Variants in PCDHA10 observed in about 807,000 individuals in gnomAD.
The protein encoded by PCDHA10 is protocadherin alpha 10, also known as protocadherin alpha-10.
PCDHA10 carries 45 observed loss-of-function variants against 61.2 expected under a neutral mutation model. The ratio of observed to expected loss-of-function variants is 0.74; its 90% confidence interval spans 0.58 to 0.94. The LOEUF (loss-of-function observed/expected upper bound fraction) is 0.94. Among genes scored for constraint, PCDHA10 ranks in the 40% least tolerant of loss-of-function variants. The pLI, the probability that PCDHA10 is intolerant of heterozygous loss-of-function variation, is 0.00. For missense variants in PCDHA10, 1,278 were observed against 1,236.2 expected (o/e 1.03, Z -0.51); for synonymous variants, 602 against 548.8 (o/e 1.10, Z -1.35).
intron 1 of PCDHA10, among the ~76,000 whole-genome samples, chr5:140,893,560 T>C (rs964266537): frequency 4.6e-5 from 7 of 152,232 alleles, no homozygotes; most frequent in Admixed American, 4.6e-4. Flanking sequence ...AGTTGTAGTG[T>C]ACTTCCTCAG....
chr5:140,871,011 G>C, intron 1 of PCDHA10: 1 of 1,613,324 alleles, frequency 6.2e-7, no homozygotes, highest in Non-Finnish European at 8.5e-7. Context: ...CGCGTGCCCT[G>C]GACGAGGCAG....
chr5:140,857,329 G>T lies in PCDHA10; in HGVS notation c.1281G>T (p.Arg427=), dbSNP rs781793178. The T allele has an allele frequency of 6.3e-7, 1 of 1,598,568 alleles. No homozygotes were observed. Residue 427 remains arginine, a synonymous_variant, in exon 1 of 4, where the codon CGG becomes CGT. Coordinates refer to ENST00000307360, the MANE Select transcript of PCDHA10 (RefSeq NM_018901.4). The stretch of plus-strand genomic sequence containing the variant: ...CCTATGAGCTGGTGGTGACCGCGCG[G>T]GACGGGGGCTCGCCTCCGCTGTGGG... ...VSAYELVVTA[R]DGGSPPLWAT...
chr5:140,975,058 C>T (rs1016137596), intron 1 of PCDHA10, among the ~76,000 whole-genome samples: 34 of 152,090 alleles, frequency 2.2e-4, no homozygotes, highest in African/African-American at 8.2e-4. Context: ...AATCTACTAT[C>T]GAGCTCATTC....
chr5:140,922,898 T>A (rs916788135), intron 1 of PCDHA10, among the ~76,000 whole-genome samples: 2 of 152,022 alleles, frequency 1.3e-5, no homozygotes, highest in African/African-American at 4.8e-5. Flanking sequence ...CAAGAAAAAA[T>A]TTTGAGATAC....
At chr5:140,958,069 A>C (rs2095407625) in intron 1 of PCDHA10, among the ~76,000 whole-genome samples, 1 of 152,104 alleles carries the variant, frequency 6.6e-6, no homozygotes. Flanking sequence ...AAAAACACAG[A>C]AGCAAAAAGT....
chr5:140,966,541 G>C (rs2096018356), intron 1 of PCDHA10: 3 of 462,844 alleles, frequency 6.5e-6, no homozygotes, highest in African/African-American at 2.0e-5. Context: ...TGAGCGACTC[G>C]GAGGCGAGCG....
At chr5:140,940,645 A>G (rs1554213545) in intron 1 of PCDHA10, among the ~76,000 whole-genome samples, 1 of 152,156 alleles carries the variant, frequency 6.6e-6, no homozygotes, top group Non-Finnish European at 1.5e-5. Flanking sequence ...TCATTTATTT[A>G]TTTAAATATA....
In PCDHA10 at chr5:140,857,127, A is replaced by C; in HGVS notation, c.1079A>C (p.Glu360Ala). 1 of 1,598,180 alleles carries C rather than the reference A, an allele frequency of 6.3e-7. No individual in the cohort carries two copies. The highest frequency in any genetic ancestry group is 8.6e-7 in the Non-Finnish European group (1 of 1,167,730). ...ACTTCTCTGTCTCTCCCAGTGAAAG[A>C]AGATGCTCAAGTGGGCACCGTCATT... is the stretch of plus-strand genomic sequence containing the variant. ...IVTSLSLPVK[E>A]DAQVGTVIAL... is the part of the protein sequence containing the mutation. The change falls in exon 1 of 4, where the codon GAA becomes GCA. Residue 360 changes from glutamate (E) to alanine (A), a missense_variant. Physicochemically the swap from Glu to Ala is moderately radical, Grantham distance 107. Coordinates refer to ENST00000307360, the MANE Select transcript of PCDHA10 (RefSeq NM_018901.4).
At position 140,889,293 on chromosome 5, in the gene PCDHA10, T is replaced by C. The variant is rs1051889855; in HGVS notation, c.2388+30857T>C. 3.3e-5 allele frequency among the ~76,000 whole-genome samples: 5 copies of C among 152,196 alleles called. No individual in the cohort carries two copies. The South Asian group carries it at 6.2e-4, about 19-fold the overall frequency. The stretch of plus-strand genomic sequence containing the variant: ...ATCTTTGAATTACTTCTTATTTGAT[T>C]GGAGAACTCACTGTTGAAGTTATCT... On this transcript the variant is annotated intron_variant, in intron 1 of 3. Transcript: ENST00000307360.
At chr5:140,883,121 G>C in intron 1 of PCDHA10, 12 of 1,614,070 alleles carry the variant, frequency 7.4e-6, no homozygotes, top group Non-Finnish European at 1.0e-5. Context: ...TAGAAGGCCT[G>C]TATGGCCTGC....
At chr5:140,996,226 G>C (rs2097717630) in intron 3 of PCDHA10, among the ~76,000 whole-genome samples, 1 of 152,196 alleles carries the variant, frequency 6.6e-6, no homozygotes, top group South Asian at 2.1e-4. Context: ...GTCTAGAAAT[G>C]GTTGCTCAAG....
intron 1 of PCDHA10, among the ~76,000 whole-genome samples, chr5:140,960,137 T>C (rs2095528767): frequency 6.6e-6 from 1 of 152,232 alleles, no homozygotes; most frequent in African/African-American, 2.4e-5. Flanking sequence ...AATACTTAGA[T>C]ATTAATAGCT....
chr5:140,884,762 A>C, intron 1 of PCDHA10: 1 of 1,423,132 alleles, frequency 7.0e-7, no homozygotes, highest in Non-Finnish European at 9.2e-7. Flanking sequence ...ATTATTCTTT[A>C]CTTTAATTTT....
chr5:140,961,638 A>G (rs1428621389), intron 1 of PCDHA10, among the ~76,000 whole-genome samples: 1 of 152,200 alleles, frequency 6.6e-6, no homozygotes, highest in Non-Finnish European at 1.5e-5. Flanking sequence ...AACAATCTTA[A>G]GTCTATGTGG....
chr5:140,993,934 C>T (rs936977793), intron 3 of PCDHA10, among the ~76,000 whole-genome samples: 5 of 152,044 alleles, frequency 3.3e-5, no homozygotes, highest in African/African-American at 1.2e-4. Context: ...AGAACATATC[C>T]CCATTGTTAA....
In PCDHA10 at chr5:140,858,157, C is replaced by G; in HGVS notation, c.2109C>G (p.Cys703Trp). ...DVNVYLIIAI[C>W]AVSSLLVLTL... is the part of the protein sequence containing the mutation. ...ACGTGTACCTGATCATCGCCATCTG[C>G]GCGGTGTCCAGCTTGCTGGTGCTCA... is the stretch of plus-strand genomic sequence containing the variant. The change falls in exon 1 of 4, where the codon TGC becomes TGG. Residue 703 changes from cysteine (C) to tryptophan (W), a missense_variant. Physicochemically the swap from Cys to Trp is radical, Grantham distance 215. Transcript: ENST00000307360. 1 of 1,597,628 alleles carries G rather than the reference C, an allele frequency of 6.3e-7. No homozygotes were observed. Among genetic ancestry groups the G allele is most frequent in the Non-Finnish European group, 8.6e-7 (1 of 1,167,402 alleles).
At chr5:140,969,670 T>C (rs1481481821) in intron 1 of PCDHA10, among the ~76,000 whole-genome samples, 1 of 152,192 alleles carries the variant, frequency 6.6e-6, no homozygotes, top group African/African-American at 2.4e-5. Context: ...AGTAATGTTA[T>C]GAGACTCAAG....
At chr5:140,884,188 G>C in intron 1 of PCDHA10, 1 of 1,613,436 alleles carries the variant, frequency 6.2e-7, no homozygotes, top group Middle Eastern at 1.7e-4. Flanking sequence ...TGGACGAGGT[G>C]GACGCGCCGC....
chr5:140,899,485 G>T (rs2067355642), intron 1 of PCDHA10, among the ~76,000 whole-genome samples: 2 of 152,140 alleles, frequency 1.3e-5, no homozygotes, highest in African/African-American at 4.8e-5. Flanking sequence ...TTATATGCTG[G>T]ATTACATTTA....
Sources: gnomAD v4.1 joint callset for allele counts (sites outside exome capture counted in the v4.1 genomes callset) on GRCh38, gnomAD v4.1.1 for gene constraint, MANE v1.5 for transcripts, NCBI Gene and HGNC (gene_info 2026-07-23, HGNC 2026-07-21) for gene names.